KIF5C: variants seen among roughly 807,000 people sequenced by gnomAD.
The protein encoded by KIF5C is kinesin family member 5C.
A neutral mutation model predicts 125.2 loss-of-function variants in KIF5C; 18 were observed. The ratio of observed to expected loss-of-function variants is 0.14; its 90% confidence interval spans 0.10 to 0.21. The LOEUF is 0.21. KIF5C is among the 10% of genes least tolerant of loss of function. The probability of loss-of-function intolerance (pLI) is 1.00; values close to 1 mark genes in which losing one functional copy is unlikely to be tolerated. For missense variants in KIF5C, 780 were observed against 1,183.8 expected, an observed-to-expected ratio of 0.66 and a Z score of 5.01; for synonymous variants, 405 against 434.0, an observed-to-expected ratio of 0.93 and a Z score of 0.83.
At chr2:148,923,425 A>G (rs932629967) in intron 2 of KIF5C, among the ~76,000 whole-genome samples, 1 of 152,216 alleles carries the variant, frequency 6.6e-6, no homozygotes, top group Admixed American at 6.5e-5. Context: ...TGAGAAAAAA[A>G]ATATGACTGA....
intron 11 of KIF5C, among the ~76,000 whole-genome samples, chr2:148,966,161 A>G (rs1314755162): frequency 5.3e-5 from 8 of 152,186 alleles, no homozygotes; most frequent in Non-Finnish European, 4.4e-5. Context: ...AGCTCCCCTC[A>G]ACATTTCCTG....
chr2:148,983,881 TG>T, intron 15 of KIF5C, 115 bp downstream of exon 15: 1 of 1,271,698 alleles, frequency 7.9e-7, no homozygotes, highest in Non-Finnish European at 1.0e-6. Flanking sequence ...TGCCATGTGC[TG>T]GTTAGTGTTT....
chr2:148,995,812 T>C (rs957397585), intron 17 of KIF5C, among the ~76,000 whole-genome samples: 1 of 152,208 alleles, frequency 6.6e-6, no homozygotes, highest in Non-Finnish European at 1.5e-5. Context: ...CAATGTTAGG[T>C]GAAAATCACA....
At chr2:148,901,841 C>T (rs963512928) in intron 1 of KIF5C, among the ~76,000 whole-genome samples, 2 of 152,154 alleles carry the variant, frequency 1.3e-5, no homozygotes, top group African/African-American at 4.8e-5. Context: ...TACTGTTTGT[C>T]ACCTCTTAAG....
chr2:148,893,707 G>C (rs1681766229), intron 1 of KIF5C, among the ~76,000 whole-genome samples: 1 of 152,334 alleles, frequency 6.6e-6, no homozygotes, highest in Middle Eastern at 3.4e-3. Flanking sequence ...CTCAACACAT[G>C]ATTCCGAATG....
At chr2:148,918,119 T>C (rs553832537) in intron 1 of KIF5C, among the ~76,000 whole-genome samples, 88 of 152,336 alleles carry the variant, frequency 5.8e-4, no homozygotes, top group African/African-American at 2.0e-3. Flanking sequence ...TATGATTTTT[T>C]AAAAATTTAA....
chr2:148,983,473 C>T, intron 14 of KIF5C, 147 bp from the exon 15 acceptor site: 1 of 1,102,820 alleles, frequency 9.1e-7, no homozygotes, highest in Non-Finnish European at 1.2e-6. Flanking sequence ...GAATGCAGTG[C>T]TATGCGAGAG....
intron 1 of KIF5C, among the ~76,000 whole-genome samples, chr2:148,896,532 T>G (rs1028241930): frequency 6.6e-6 from 1 of 152,220 alleles, no homozygotes; most frequent in African/African-American, 2.4e-5. Context: ...TATCCTGTTT[T>G]ATTCAGTGAG....
intron 25 of KIF5C, among the ~76,000 whole-genome samples, chr2:149,021,735 T>TA (rs201510318): frequency 0.046 from 6,732 of 146,434 alleles, 585 homozygotes; most frequent in African/African-American, 0.16. Flanking sequence ...TTTTTTTTTT[T>TA]AATCAAAAGA....
At chr2:149,011,445 A>G in intron 24 of KIF5C, 125 bp from the exon 25 acceptor site, 5 of 1,317,948 alleles carry the variant, frequency 3.8e-6, no homozygotes. Flanking sequence ...CTGGTGGTTG[A>G]TAAGAATTGT....
At chr2:148,949,195 CA>C (rs1682597183) in intron 8 of KIF5C, among the ~76,000 whole-genome samples, 3 of 152,142 alleles carry the variant, frequency 2.0e-5, no homozygotes, top group Admixed American at 2.0e-4. Context: ...AATAACGCAG[CA>C]AAGGAGAAAC....
At chr2:148,983,995 A>C (rs778241522) in intron 15 of KIF5C, among the ~76,000 whole-genome samples, 2 of 152,238 alleles carry the variant, frequency 1.3e-5, no homozygotes, top group Non-Finnish European at 2.9e-5. Flanking sequence ...AGTGTCTTCA[A>C]ATGTTGGTTG....
Position 148,876,775 on chromosome 2 carries a change from G to C in KIF5C, c.126+1032G>C, listed in dbSNP as rs1035307139. On this transcript the variant is annotated intron_variant, in intron 1 of 25. Coordinates refer to ENST00000435030, the MANE Select transcript of KIF5C (RefSeq NM_004522.3). The surrounding 1 kb of genome is among the most constrained non-coding windows in gnomAD (Gnocchi z 4.7). ...CCCGCTGTCCGTAGCGTGTGTGGCT[G>C]ATGGTGCCCCCTTTGTATGCGAGCC... Among the ~76,000 whole-genome samples the C allele has an allele frequency of 6.6e-6, 1 of 152,190 alleles. No individual in the cohort carries two copies. The highest frequency in any genetic ancestry group is 1.5e-5 in the Non-Finnish European group (1 of 68,020).
chr2:148,980,675 C>CTTGCTTAT (rs1553468803), intron 13 of KIF5C, among the ~76,000 whole-genome samples: 58 of 144,596 alleles, frequency 4.0e-4, no homozygotes, highest in Non-Finnish European at 3.6e-4. Context: ...AGATCCTTTG[C>CTTGCTTAT]TTATTTATTT....
chr2:148,983,587 C>T, intron 14 of KIF5C, 33 bp from the exon 15 acceptor site: 1 of 1,522,534 alleles, frequency 6.6e-7, no homozygotes, highest in African/African-American at 1.4e-5. Context: ...GATGGGCAAC[C>T]CTTTGAATTT....
intron 17 of KIF5C, among the ~76,000 whole-genome samples, chr2:148,996,107 A>G (rs1681664201): frequency 6.6e-6 from 1 of 152,194 alleles, no homozygotes; most frequent in South Asian, 2.1e-4. Context: ...ATGAGCCGAT[A>G]TCGTGGCACT....
intron 12 of KIF5C, among the ~76,000 whole-genome samples, chr2:148,975,572 G>A (rs1446138186): frequency 6.6e-6 from 1 of 152,182 alleles, no homozygotes; most frequent in African/African-American, 2.4e-5. Context: ...TGAGGACCTG[G>A]TCAACCTCAG....
chr2:148,886,018 A>T (rs1309335775), intron 1 of KIF5C: 1 of 152,132 alleles, frequency 6.6e-6, no homozygotes, highest in East Asian at 1.9e-4. Flanking sequence ...CCTGTCTGGC[A>T]CCTCACTCCT....
At chr2:149,012,064 A>G (rs1228843208) in intron 25 of KIF5C, among the ~76,000 whole-genome samples, 1 of 152,208 alleles carries the variant, frequency 6.6e-6, no homozygotes, top group Non-Finnish European at 1.5e-5. Flanking sequence ...GGTTGCTTTA[A>G]GTCTCAGGAA....
Sources: gnomAD v4.1 joint callset for allele counts (sites outside exome capture counted in the v4.1 genomes callset) on GRCh38, gnomAD v4.1.1 for gene constraint, Gnocchi (gnomAD v3.1) non-coding constraint, MANE v1.5 for transcripts, NCBI Gene and HGNC (gene_info 2026-07-23, HGNC 2026-07-21) for gene names.